AOPEP: variants seen among roughly 807,000 people sequenced by gnomAD.
AOPEP encodes the protein aminopeptidase O.
AOPEP carries 77 observed loss-of-function variants against 98.1 expected under a neutral mutation model. The ratio of observed to expected loss-of-function variants is 0.78; its 90% CI spans 0.65 to 0.95. The LOEUF is 0.95. Among genes scored for constraint, AOPEP ranks in the 40% least tolerant of loss-of-function variants. AOPEP has a pLI of 0.00. For missense variants in AOPEP, 1,024 were observed against 1,024.7 expected, an observed-to-expected ratio of 1.00 and a Z score of 0.01; for synonymous variants, 346 against 365.3, an observed-to-expected ratio of 0.95 and a Z score of 0.60.
At chr9:94,976,104 A>G (rs1305830169) in intron 10 of AOPEP, among the ~76,000 whole-genome samples, 8 of 152,188 alleles carry the variant, frequency 5.3e-5, no homozygotes, top group Non-Finnish European at 1.5e-5. Context: ...CTAGAGGACC[A>G]TCATCTCTAC....
At chr9:94,798,019 TA>T (rs1847405934) in intron 4 of AOPEP, among the ~76,000 whole-genome samples, 1 of 152,134 alleles carries the variant, frequency 6.6e-6, no homozygotes, top group Non-Finnish European at 1.5e-5. Context: ...TATCCTTTTC[TA>T]ACCAATTCCT....
rs192131521 is a variant in AOPEP, at chr9:94,945,817, C to T, written c.1662-9360C>T. On this transcript the variant is annotated intron_variant, in intron 7 of 16. Coordinates refer to ENST00000375315, the MANE Select transcript of AOPEP (RefSeq NM_001193329.3). ...TCATTTGCCTCTTTCCAGAAGAAGT[C>T]GTGATTTTTTTTTTAATGCAATACA... is the stretch of plus-strand genomic sequence containing the variant. Among the ~76,000 whole-genome samples the T allele has an allele frequency of 4.6e-5, 7 of 152,084 alleles. No individual in the cohort carries two copies. The East Asian group carries it at 9.6e-4, about 21-fold the overall frequency.
intron 2 of AOPEP, among the ~76,000 whole-genome samples, chr9:94,771,289 A>G (rs1260304415): frequency 6.6e-6 from 1 of 152,178 alleles, no homozygotes; most frequent in Non-Finnish European, 1.5e-5. Flanking sequence ...AACAGACAAT[A>G]GAAGTCACTA....
At chr9:95,090,473 GC>G (rs1053419174), downstream of AOPEP, among the ~76,000 whole-genome samples, 1 of 152,186 alleles carries the variant, frequency 6.6e-6, no homozygotes, top group Admixed American at 6.5e-5. Flanking sequence ...CTGTGGCTGG[GC>G]CCGGGCCCAG....
chr9:94,828,875 G>GT (rs11291910), intron 5 of AOPEP, among the ~76,000 whole-genome samples: 6 of 143,248 alleles, frequency 4.2e-5, no homozygotes, highest in East Asian at 4.0e-4. Flanking sequence ...TCTTCTTACT[G>GT]TTTTTTTTTT....
chr9:94,830,589 G>T (rs7038891), intron 5 of AOPEP, among the ~76,000 whole-genome samples: 1 of 152,226 alleles, frequency 6.6e-6, no homozygotes, highest in Non-Finnish European at 1.5e-5. Context: ...TATTTGGGTC[G>T]AATGGTATTT....
chr9:94,760,103 A>G lies in AOPEP; in HGVS notation c.320A>G (p.Lys107Arg), dbSNP rs1165228689. The G allele has an allele frequency of 6.2e-7, 1 of 1,614,198 alleles. No homozygotes were observed. Among genetic ancestry groups the G allele is most frequent in the Non-Finnish European group, 8.5e-7 (1 of 1,180,026 alleles). Residue 107 changes from lysine (K) to arginine (R), a missense_variant, in exon 2 of 17, where the codon AAA becomes AGA. By Grantham distance (26) the Lys-to-Arg change is conservative. Transcript: ENST00000375315. ...NDFAICSKGE[K>R]DTSDKDGNHD... The stretch of plus-strand genomic sequence containing the variant: ...TTTGCAATCTGTAGTAAAGGTGAAA[A>G]AGATACTTCTGATAAAGATGGTAAC...
chr9:94,814,267 C>A (rs531170314), intron 5 of AOPEP, among the ~76,000 whole-genome samples: 1 of 152,310 alleles, frequency 6.6e-6, no homozygotes, highest in South Asian at 2.1e-4. Flanking sequence ...TTGCTGTACT[C>A]AGGAAAGTTC....
intron 11 of AOPEP, chr9:95,004,950 C>G (rs2061850280): frequency 6.8e-6 from 1 of 146,040 alleles, no homozygotes; most frequent in Non-Finnish European, 1.5e-5. Flanking sequence ...CCGCCCGCGC[C>G]GCCGCCCAGG....
At chr9:95,071,268 T>G (rs2068472902) in intron 14 of AOPEP, among the ~76,000 whole-genome samples, 2 of 149,448 alleles carry the variant, frequency 1.3e-5, no homozygotes, top group African/African-American at 5.0e-5. Context: ...ACTTTTTGAG[T>G]GCTGACATGA....
chr9:94,765,436 C>T (rs1839334982), intron 2 of AOPEP, among the ~76,000 whole-genome samples: 1 of 62,786 alleles, frequency 1.6e-5, no homozygotes, highest in South Asian at 6.5e-4. Flanking sequence ...CCCTTCTCTA[C>T]AAAAATAATA....
the AOPEP span, chr9:95,111,087 C>T: frequency 6.6e-7 from 1 of 1,515,772 alleles, no homozygotes. Context: ...AGGGCCCTGG[C>T]TGTGGCCAGG....
intron 11 of AOPEP, among the ~76,000 whole-genome samples, chr9:95,000,417 A>G (rs958906918): frequency 2.0e-5 from 3 of 152,218 alleles, no homozygotes; most frequent in African/African-American, 7.2e-5. Flanking sequence ...ACATTTAAAA[A>G]TAATAGATGG....
intron 1 of AOPEP, among the ~76,000 whole-genome samples, chr9:94,754,062 A>C (rs775875551): frequency 6.6e-6 from 1 of 152,236 alleles, no homozygotes; most frequent in Non-Finnish European, 1.5e-5. Context: ...AGATTTATAT[A>C]CATCAACATG....
chr9:94,787,352 A>G (rs1371215314), intron 3 of AOPEP, among the ~76,000 whole-genome samples: 1 of 152,198 alleles, frequency 6.6e-6, no homozygotes, highest in African/African-American at 2.4e-5. Flanking sequence ...TGGGCGCTCT[A>G]CGTGGATTTC....
At chr9:95,119,568 G>C in the AOPEP span, among the ~76,000 whole-genome samples, 1 of 152,064 alleles carries the variant, frequency 6.6e-6, no homozygotes, top group Admixed American at 6.5e-5. Flanking sequence ...GTTTCACTAT[G>C]TTGGCCAGGA....
chr9:94,969,415 C>CTT (rs574235712), intron 10 of AOPEP, among the ~76,000 whole-genome samples: 12 of 139,662 alleles, frequency 8.6e-5, no homozygotes, highest in Non-Finnish European at 1.6e-4. Flanking sequence ...AACATAATTT[C>CTT]TTTTTTTTTT....
chr9:94,768,162 C>T (rs186813601), intron 2 of AOPEP, among the ~76,000 whole-genome samples: 158 of 152,236 alleles, frequency 1.0e-3, no homozygotes, highest in East Asian at 9.5e-3. Flanking sequence ...CCTAAACTGT[C>T]GCATCTGTGG....
At position 95,071,167 on chromosome 9, in the gene AOPEP, T is replaced by C. The variant is rs997958799; in HGVS notation, c.2233-9527T>C. Among the ~76,000 whole-genome samples, 6 of 152,286 alleles carry C rather than the reference T, an allele frequency of 3.9e-5. No individual in the cohort carries two copies. The East Asian group carries it at 1.2e-3, about 29-fold the overall frequency. On this transcript the variant is annotated intron_variant, in intron 14 of 16. Coordinates refer to ENST00000375315, the MANE Select transcript of AOPEP (RefSeq NM_001193329.3). ...GACCAGAAATGTTTCAGATTTCAGA[T>C]TTTTTTCAGTTATTAGGATATTTGT...
Sources: allele counts gnomAD v4.1 joint callset (sites outside exome capture counted in the v4.1 genomes callset), GRCh38; gene constraint gnomAD v4.1.1; transcripts MANE v1.5; gene names NCBI Gene and HGNC (gene_info 2026-07-23, HGNC 2026-07-21).